Variants in ATP10B observed in about 807,000 individuals in gnomAD.
The protein encoded by ATP10B is ATPase phospholipid transporting 10B (putative).
A neutral mutation model predicts 141.2 loss-of-function variants in ATP10B; 122 were observed. The observed-to-expected ratio is 0.86, with a 90% confidence interval of 0.75 to 1.00. The LOEUF (loss-of-function observed/expected upper bound fraction) is 1.00. Among genes scored for constraint, ATP10B ranks in the 50% least tolerant of loss-of-function variants. The pLI is 0.00. For missense variants in ATP10B, 1,876 were observed against 1,825.3 expected, an observed-to-expected ratio of 1.03 and a Z score of -0.51; for synonymous variants, 685 against 692.0, an observed-to-expected ratio of 0.99 and a Z score of 0.16.
intron 1 of ATP10B, among the ~76,000 whole-genome samples, chr5:160,798,333 G>T (rs1772108204): frequency 6.6e-6 from 1 of 152,220 alleles, no homozygotes; most frequent in African/African-American, 2.4e-5. Context: ...ACCTTATTTA[G>T]AAATAGTGTC....
At chr5:160,582,820 ATTAAGT>A (rs1220031817) in intron 24 of ATP10B, among the ~76,000 whole-genome samples, 1 of 150,864 alleles carries the variant, frequency 6.6e-6, no homozygotes, top group Non-Finnish European at 1.5e-5. Flanking sequence ...AAGCTTTCTC[ATTAAGT>A]TTATCTTCAA....
chr5:160,839,732 C>T (rs1448126211), intron 1 of ATP10B, among the ~76,000 whole-genome samples: 2 of 151,864 alleles, frequency 1.3e-5, no homozygotes, highest in African/African-American at 2.4e-5. Context: ...ATATAAGAGA[C>T]ATATCTAAAA....
chr5:160,566,999 G>T (rs1256452738), intron 25 of ATP10B, among the ~76,000 whole-genome samples: 1 of 152,162 alleles, frequency 6.6e-6, no homozygotes, highest in Non-Finnish European at 1.5e-5. Flanking sequence ...GGATCTCATG[G>T]AACCAGATAA....
intron 6 of ATP10B, chr5:160,685,176 C>A (rs1763675119): frequency 1.6e-6 from 1 of 635,218 alleles, no homozygotes; most frequent in East Asian, 2.8e-5. Flanking sequence ...CTACTCGCTT[C>A]TTGTCTTCTT....
intron 2 of ATP10B, among the ~76,000 whole-genome samples, chr5:160,754,569 A>G (rs558007576): frequency 6.6e-6 from 1 of 152,362 alleles, no homozygotes; most frequent in East Asian, 1.9e-4. Context: ...CTTTGACTCT[A>G]AAATGATTGG....
intron 13 of ATP10B, 140 bp from the exon 14 acceptor site, chr5:160,622,725 C>T (rs1430118676): frequency 4.0e-6 from 3 of 755,564 alleles, no homozygotes; most frequent in South Asian, 1.9e-5. Flanking sequence ...ACAGGTCTGG[C>T]CATTGCCAAT....
intron 1 of ATP10B, among the ~76,000 whole-genome samples, chr5:160,805,840 A>G (rs1772733063): frequency 6.6e-6 from 1 of 152,174 alleles, no homozygotes; most frequent in Admixed American, 6.6e-5. Context: ...ATGTGTGTGC[A>G]TATTTATATT....
At chr5:160,723,592 T>C (rs748802742) in intron 2 of ATP10B, among the ~76,000 whole-genome samples, 4 of 152,212 alleles carry the variant, frequency 2.6e-5, no homozygotes, top group Non-Finnish European at 4.4e-5. Context: ...CTTTCAGTTG[T>C]TGGTCAAAAT....
Position 160,640,693 on chromosome 5 carries a change from G to A in ATP10B, c.869-101C>T, listed in dbSNP as rs1008925822. ...CACAGGAGCTTAAGATAAAAGAGAGGCTTCACTCTTTAACCTGAACTTGCC... is the reference window on the plus strand; with the variant it reads ...CACAGGAGCTTAAGATAAAAGAGAGACTTCACTCTTTAACCTGAACTTGCC... On this transcript the variant is annotated intron_variant, in intron 9 of 25. Coordinates refer to ENST00000327245, the MANE Select transcript of ATP10B (RefSeq NM_025153.3). 109 of 1,445,662 alleles carry A rather than the reference G, an allele frequency of 7.5e-5. 2 individuals are homozygous for A. The African/African-American group carries it at 1.2e-3, about 16-fold the overall frequency. The allele number at this position is 1,445,662 out of a possible 1,614,324, so 89.6% of individuals were successfully genotyped here.
intron 1 of ATP10B, among the ~76,000 whole-genome samples, chr5:160,794,132 C>A (rs1354626578): frequency 6.6e-6 from 1 of 152,100 alleles, no homozygotes; most frequent in Non-Finnish European, 1.5e-5. Context: ...ATATAATTGA[C>A]AGTTTTTGAG....
intron 1 of ATP10B, among the ~76,000 whole-genome samples, chr5:160,795,316 T>C (rs537209066): frequency 1.1e-4 from 16 of 152,318 alleles, no homozygotes; most frequent in Middle Eastern, 3.4e-3. Flanking sequence ...TCCCACATTA[T>C]CATGCATATG....
intron 1 of ATP10B, among the ~76,000 whole-genome samples, chr5:160,807,995 A>G (rs911271153): frequency 2.0e-5 from 3 of 152,196 alleles, no homozygotes; most frequent in African/African-American, 4.8e-5. Flanking sequence ...TCATTAATGA[A>G]TGCTATCTCT....
intron 1 of ATP10B, among the ~76,000 whole-genome samples, chr5:160,786,302 G>C (rs1771141735): frequency 6.6e-6 from 1 of 152,126 alleles, no homozygotes. Context: ...GAGGTACCTA[G>C]CTTTGATGTT....
intron 3 of ATP10B, among the ~76,000 whole-genome samples, chr5:160,700,885 C>T (rs562892690): frequency 2.6e-5 from 4 of 152,236 alleles, no homozygotes; most frequent in East Asian, 1.9e-4. Flanking sequence ...TCTGCACTTG[C>T]CCCCTATTAC....
chr5:160,575,902 A>G lies in ATP10B; in HGVS notation c.3751-6219T>C, dbSNP rs73819431. On this transcript the variant is annotated intron_variant, in intron 24 of 25. Coordinates refer to ENST00000327245, the MANE Select transcript of ATP10B (RefSeq NM_025153.3). Reference sequence around the variant, plus strand: ...CAGGCACTCAGCAATGTCCCATGGAATCTGCACCTCTCCCTTTCTTCATCC... The same window carrying G: ...CAGGCACTCAGCAATGTCCCATGGAGTCTGCACCTCTCCCTTTCTTCATCC... Among the ~76,000 whole-genome samples, 350 of 152,276 alleles carry G rather than the reference A, an allele frequency of 2.3e-3. 2 individuals carry two copies. Among genetic ancestry groups the G allele is most frequent in the African/African-American group, 8.1e-3 (337 of 41,560 alleles).
chr5:160,769,562 A>G (rs1177829888), intron 2 of ATP10B, among the ~76,000 whole-genome samples: 1 of 151,814 alleles, frequency 6.6e-6, no homozygotes, highest in Non-Finnish European at 1.5e-5. Flanking sequence ...ATAGAATGAA[A>G]GTGCTCTTCC....
chr5:160,684,137 A>G (rs905800315), intron 6 of ATP10B, among the ~76,000 whole-genome samples: 9 of 152,336 alleles, frequency 5.9e-5, no homozygotes, highest in African/African-American at 2.2e-4. Flanking sequence ...GGTGGTGTGC[A>G]GTCTTTGCTT....
At position 160,717,720 on chromosome 5, in the gene ATP10B, A is replaced by G. The variant is rs112882674; in HGVS notation, c.-330-686T>C. On this transcript the variant is annotated intron_variant, in intron 2 of 25. Transcript: ENST00000327245. Reference sequence around the variant, plus strand: ...CTCAGTAAAGTTAAATATCCTCCCTAAAACCCTACAATTCATGGGAGCATG... The same window carrying G: ...CTCAGTAAAGTTAAATATCCTCCCTGAAACCCTACAATTCATGGGAGCATG... Among the ~76,000 whole-genome samples, 9 of 152,324 alleles carry G rather than the reference A, an allele frequency of 5.9e-5. No homozygotes were observed. The South Asian group carries it at 6.2e-4, about 11-fold the overall frequency.
chr5:160,622,879 G>T (rs1758428120), intron 13 of ATP10B, among the ~76,000 whole-genome samples: 2 of 151,862 alleles, frequency 1.3e-5, no homozygotes. Context: ...CTGAATTTCT[G>T]CACCAGCCTC....
Sources: gnomAD v4.1 joint callset for allele counts (sites outside exome capture counted in the v4.1 genomes callset) on GRCh38, gnomAD v4.1.1 for gene constraint, MANE v1.5 for transcripts, NCBI Gene and HGNC (gene_info 2026-07-23, HGNC 2026-07-21) for gene names.